The following INF2 variants were observed in gnomAD, a reference collection of about 807,000 sequenced individuals.
INF2 encodes inverted formin 2, also known as inverted formin-2.
In INF2, 43 loss-of-function variants were observed where a neutral mutation model predicts 123.5. The ratio of observed to expected loss-of-function variants is 0.35; its 90% CI spans 0.27 to 0.45. INF2 has a LOEUF of 0.45. Among genes scored for constraint, INF2 ranks in the 20% least tolerant of loss-of-function variants. The pLI is 1.00. For synonymous variants in INF2, 851 were observed against 745.0 expected (o/e 1.14, Z -2.32); for missense variants, 1,453 against 1,682.7 (o/e 0.86, Z 2.39).
intron 1 of INF2, among the ~76,000 whole-genome samples, chr14:104,697,427 C>A (rs1293753718): frequency 6.6e-6 from 1 of 152,242 alleles, no homozygotes; most frequent in Non-Finnish European, 1.5e-5. Flanking sequence ...CGGTGCTGGG[C>A]CTGCCTCAGG....
At chr14:104,711,305 A>G in intron 15 of INF2, 119 bp downstream of exon 15, 5 of 890,302 alleles carry the variant, frequency 5.6e-6, no homozygotes, top group Non-Finnish European at 8.8e-6. Flanking sequence ...TCCCTGTCTC[A>G]GGGCTCCGTC....
chr14:104,701,852 A>T, intron 2 of INF2, 96 bp downstream of exon 2: 1 of 1,339,784 alleles, frequency 7.5e-7, no homozygotes. Flanking sequence ...GGGAACCACC[A>T]GGAGGAAGCG....
chr14:104,705,563 T>G (rs906491885), intron 5 of INF2, among the ~76,000 whole-genome samples: 2 of 152,150 alleles, frequency 1.3e-5, no homozygotes, highest in African/African-American at 4.8e-5. Context: ...CTAGGCCCAG[T>G]GAACACTAAG....
intron 22 of INF2, among the ~76,000 whole-genome samples, chr14:104,717,244 C>G (rs1472100486): frequency 2.1e-5 from 3 of 142,586 alleles, no homozygotes; most frequent in Admixed American, 2.0e-4. Context: ...GGGTGCGCTG[C>G]CGTCCTCCCA....
At chr14:104,689,300 G>T, upstream of INF2, 1 of 968,934 alleles carries the variant, frequency 1.0e-6, no homozygotes, top group Middle Eastern at 5.3e-4. Flanking sequence ...TAGGTGGACG[G>T]GAGGCGGTGG....
upstream of INF2, among the ~76,000 whole-genome samples, chr14:104,688,255 C>A (rs961147694): frequency 2.0e-5 from 3 of 152,244 alleles, no homozygotes; most frequent in Non-Finnish European, 2.9e-5. Flanking sequence ...TGCACTGGGG[C>A]TGAGCCAGCA....
intron 13 of INF2, chr14:104,710,639 G>A: frequency 1.9e-6 from 1 of 539,872 alleles, no homozygotes; most frequent in Non-Finnish European, 3.3e-6. Context: ...ACACACACGG[G>A]CACCATCTCT....
chr14:104,695,974 T>C (rs1889173022), intron 1 of INF2, among the ~76,000 whole-genome samples: 1 of 152,180 alleles, frequency 6.6e-6, no homozygotes. Flanking sequence ...ATCATTTTGC[T>C]TGCTTTCTTC....
chr14:104,706,839 G>A, intron 6 of INF2, 71 bp from the exon 7 acceptor site: 2 of 1,557,112 alleles, frequency 1.3e-6, no homozygotes, highest in Non-Finnish European at 1.7e-6. Context: ...CACCCTGGCA[G>A]ACAGGCCACA....
intron 7 of INF2, 60 bp from the exon 8 acceptor site, chr14:104,707,193 G>T: frequency 6.5e-7 from 1 of 1,542,784 alleles, no homozygotes. Context: ...TCTTCCTCAA[G>T]CCCCCATCCC....
In INF2 at chr14:104,707,684, G is replaced by C; in HGVS notation, c.1417G>C (p.Ala473Pro). Residue 473 changes from alanine to proline, a missense_variant, in exon 8 of 23, where the codon GCA becomes CCA. By Grantham distance (27) the Ala-to-Pro change is conservative. Coordinates refer to ENST00000392634, the MANE Select transcript of INF2 (RefSeq NM_022489.4). The stretch of plus-strand genomic sequence containing the variant: ...AGGCCTGGGGGCCATGGCCCCCCCA[G>C]CACCTCCTCTACCACCACCCCTGCC... ...LPGLGAMAPP[A>P]PPLPPPLPGS... 1.9e-6 allele frequency: 1 copy of C among 526,914 alleles called. No individual in the cohort carries two copies. The highest frequency in any genetic ancestry group is 3.0e-6 in the Non-Finnish European group (1 of 331,918). The allele number at this position is 526,914 out of a possible 1,614,324, so 32.6% of individuals were successfully genotyped here. A position where few individuals can be genotyped will look rare whatever the true frequency, so the allele number is the denominator to read the frequency against.
intron 22 of INF2, 146 bp downstream of exon 22, chr14:104,715,486 G>T: frequency 2.5e-6 from 2 of 800,242 alleles, no homozygotes; most frequent in Non-Finnish European, 2.1e-6. Context: ...CGCTCCCGCA[G>T]CCCTGGTGGT....
intron 1 of INF2, among the ~76,000 whole-genome samples, chr14:104,692,434 T>G (rs1356735486): frequency 1.3e-5 from 2 of 151,916 alleles, no homozygotes; most frequent in African/African-American, 4.8e-5. Context: ...GGGGTCAGGG[T>G]GCAAATGGGC....
intron 1 of INF2, chr14:104,681,643 G>A (rs1595143745): frequency 1.6e-6 from 2 of 1,255,090 alleles, no homozygotes; most frequent in African/African-American, 3.1e-5. Flanking sequence ...GCAGACACGG[G>A]GGCGGAGAGG....
intron 22 of INF2, chr14:104,715,796 T>C (rs1395972002): frequency 2.1e-6 from 1 of 469,176 alleles, no homozygotes; most frequent in Admixed American, 2.3e-5. Context: ...ACTCTAAGTG[T>C]GTCAATGGCG....
intron 1 of INF2, among the ~76,000 whole-genome samples, chr14:104,692,103 G>C (rs886997895): frequency 3.9e-5 from 6 of 152,198 alleles, no homozygotes; most frequent in African/African-American, 1.4e-4. Flanking sequence ...CCTCAGGCCG[G>C]GTCTGTCCAC....
chr14:104,707,428 G>A lies in INF2; in HGVS notation c.1161G>A (p.Gln387=). Residue 387 remains glutamine, a synonymous_variant, in exon 8 of 23, where the codon CAG becomes CAA. Transcript: ENST00000392634. The stretch of plus-strand genomic sequence containing the variant: ...CCAAGCCCAGCGTGGAGGGCCAGCA[G>A]CCAGCAGCAGCTGCTGCCTGCGAGC... ...TTPKPSVEGQ[Q]PAAAAACEPV... The A allele has an allele frequency of 1.9e-6, 3 of 1,574,708 alleles. No homozygotes were observed. The highest frequency in any genetic ancestry group is 2.4e-5 in the East Asian group (1 of 42,226).
Position 104,707,387 on chromosome 14 carries a change from C to G in INF2, c.1120C>G (p.Gln374Glu), listed in dbSNP as rs1447521620. The change falls in exon 8 of 23, where the codon CAA becomes GAA. Residue 374 changes from glutamine (Q) to glutamate (E), a missense_variant. Physicochemically the swap from Gln to Glu is conservative, Grantham distance 29. Transcript: ENST00000392634. ...LDQSQRGSSP[Q>E]NTTTPKPSVE... is the part of the protein sequence containing the mutation. ...CCAGAGCCAGAGGGGCAGCTCCCCGCAAAACACTACAACCCCCAAGCCCAG... is the reference window on the plus strand; with the variant it reads ...CCAGAGCCAGAGGGGCAGCTCCCCGGAAAACACTACAACCCCCAAGCCCAG... The G allele has an allele frequency of 1.3e-6, 2 of 1,590,300 alleles. No individual in the cohort carries two copies. The highest frequency in any genetic ancestry group is 2.7e-5 in the African/African-American group (2 of 74,176).
upstream of INF2, among the ~76,000 whole-genome samples, chr14:104,685,756 T>C (rs1000241468): frequency 1.5e-5 from 2 of 133,402 alleles, no homozygotes; most frequent in African/African-American, 5.9e-5. Context: ...GATGGATGGA[T>C]AAGGGTGGGT....
Sources: allele counts gnomAD v4.1 joint callset (sites outside exome capture counted in the v4.1 genomes callset), GRCh38; gene constraint gnomAD v4.1.1; transcripts MANE v1.5; gene names NCBI Gene and HGNC (gene_info 2026-07-23, HGNC 2026-07-21).